Variants in SRFBP1 observed in about 807,000 individuals in gnomAD.
SRFBP1 encodes serum response factor-binding protein 1.
Under a neutral mutation model 45.5 loss-of-function variants are expected in SRFBP1, and 47 were observed. The observed-to-expected ratio is 1.03, with a 90% CI of 0.82 to 1.32. The LOEUF is 1.32. SRFBP1 is among the 40% of genes most tolerant of loss of function. The probability of loss-of-function intolerance (pLI) is 0.00; values close to 1 mark genes in which losing one functional copy is unlikely to be tolerated. For synonymous variants in SRFBP1, 203 were observed against 166.3 expected (o/e 1.22, Z -1.70); for missense variants, 621 against 484.6 (o/e 1.28, Z -2.64).
intron 2 of SRFBP1, among the ~76,000 whole-genome samples, chr5:121,975,062 A>C (rs1323617667): frequency 6.6e-6 from 1 of 151,958 alleles, no homozygotes; most frequent in African/African-American, 2.4e-5. Flanking sequence ...GAGAAGGCAA[A>C]CTATCAAAAG....
intron 2 of SRFBP1, among the ~76,000 whole-genome samples, chr5:122,049,933 A>G (rs529966292): frequency 1.2e-3 from 181 of 152,012 alleles, no homozygotes; most frequent in Middle Eastern, 6.8e-3. Context: ...GGAAAGATCT[A>G]TTGAGGGTTT....
chr5:122,004,997 G>T (rs1436617302), intron 4 of SRFBP1, among the ~76,000 whole-genome samples: 1 of 151,984 alleles, frequency 6.6e-6, no homozygotes, highest in Non-Finnish European at 1.5e-5. Context: ...TAATATCATT[G>T]TGGTCAGAAA....
chr5:122,057,203 C>T (rs1350863157), intron 2 of SRFBP1, among the ~76,000 whole-genome samples: 1 of 152,048 alleles, frequency 6.6e-6, no homozygotes, highest in Non-Finnish European at 1.5e-5. Context: ...TTACACTTGA[C>T]CATAATGGGA....
At chr5:121,972,146 A>C (rs549441065) in intron 1 of SRFBP1, among the ~76,000 whole-genome samples, 2 of 152,090 alleles carry the variant, frequency 1.3e-5, no homozygotes, top group East Asian at 3.9e-4. Flanking sequence ...TGACAATGCT[A>C]TGGTAAAGGG....
chr5:121,975,468 T>G, intron 3 of SRFBP1, 81 bp downstream of exon 3: 3 of 1,463,122 alleles, frequency 2.1e-6, no homozygotes, highest in Non-Finnish European at 2.9e-6. Context: ...GTGGTATTGC[T>G]TATTTGAATA....
chr5:121,991,322 TA>T (rs768231168), intron 3 of SRFBP1, among the ~76,000 whole-genome samples: 425 of 151,460 alleles, frequency 2.8e-3, no homozygotes, highest in Non-Finnish European at 4.1e-3. Flanking sequence ...CCTACAGTGA[TA>T]AAAAAAAAGT....
chr5:122,029,380 G>T (rs540282873), downstream of SRFBP1, among the ~76,000 whole-genome samples: 13 of 152,226 alleles, frequency 8.5e-5, no homozygotes, highest in South Asian at 2.7e-3. Context: ...ACCTGGGCTT[G>T]TGGAAGGCAT....
chr5:122,025,423 C>A (rs532127687), intron 7 of SRFBP1, among the ~76,000 whole-genome samples: 132 of 152,244 alleles, frequency 8.7e-4, no homozygotes, highest in Non-Finnish European at 1.5e-3. Flanking sequence ...AATAAACATA[C>A]GTGTGCATGT....
At chr5:121,999,504 G>A (rs908966642) in intron 4 of SRFBP1, among the ~76,000 whole-genome samples, 2 of 149,890 alleles carry the variant, frequency 1.3e-5, no homozygotes, top group Admixed American at 1.3e-4. Flanking sequence ...TATTTTTACT[G>A]TTTTTTTTTC....
intron 7 of SRFBP1, among the ~76,000 whole-genome samples, chr5:122,024,842 T>C (rs1753443485): frequency 1.3e-5 from 2 of 152,224 alleles, no homozygotes; most frequent in African/African-American, 4.8e-5. Context: ...ATTTACTAGT[T>C]TATTTACATA....
At chr5:121,993,707 C>T (rs1752660417) in intron 3 of SRFBP1, among the ~76,000 whole-genome samples, 1 of 152,030 alleles carries the variant, frequency 6.6e-6, no homozygotes, top group South Asian at 2.1e-4. Context: ...TGTTTTAAGG[C>T]TAATAACCAC....
chr5:122,057,359 C>G (rs1209381460), intron 2 of SRFBP1, among the ~76,000 whole-genome samples: 1 of 151,922 alleles, frequency 6.6e-6, no homozygotes, highest in Non-Finnish European at 1.5e-5. Context: ...GGTTTATTAT[C>G]AAGTTTTCAG....
At chr5:121,969,344 C>T (rs1439264049) in intron 1 of SRFBP1, among the ~76,000 whole-genome samples, 1 of 152,028 alleles carries the variant, frequency 6.6e-6, no homozygotes, top group Non-Finnish European at 1.5e-5. Flanking sequence ...AGCTGTGATG[C>T]ATCTGTTCCC....
chr5:121,966,704 G>C (rs1193010648), intron 1 of SRFBP1, among the ~76,000 whole-genome samples: 1 of 152,202 alleles, frequency 6.6e-6, no homozygotes, highest in Non-Finnish European at 1.5e-5. Context: ...GTAGCAATCT[G>C]ATGGAGTGCT....
At chr5:122,017,261 C>T (rs1310515236) in intron 4 of SRFBP1, among the ~76,000 whole-genome samples, 4 of 152,088 alleles carry the variant, frequency 2.6e-5, no homozygotes, top group Non-Finnish European at 1.5e-5. Context: ...TATTTTCTCA[C>T]AGTTGAGGAG....
chr5:122,068,675 CAAAG>C (rs1246338923), intron 2 of SRFBP1, among the ~76,000 whole-genome samples: 1 of 152,020 alleles, frequency 6.6e-6, no homozygotes, highest in Non-Finnish European at 1.5e-5. Context: ...AGACATTAAA[CAAAG>C]AAATTCATAA....
At chr5:122,050,635 G>A (rs1753957797) in intron 2 of SRFBP1, among the ~76,000 whole-genome samples, 1 of 151,732 alleles carries the variant, frequency 6.6e-6, no homozygotes. Context: ...TGTTTATTTG[G>A]ATCTTTTTTG....
At chr5:121,965,263 C>T (rs868326728) in intron 1 of SRFBP1, among the ~76,000 whole-genome samples, 15 of 152,150 alleles carry the variant, frequency 9.9e-5, no homozygotes, top group South Asian at 4.1e-4. Context: ...TAGTCTTTGT[C>T]CATGCCTCAG....
At chr5:121,992,971 C>G (rs1448511389) in intron 3 of SRFBP1, among the ~76,000 whole-genome samples, 1 of 152,082 alleles carries the variant, frequency 6.6e-6, no homozygotes, top group Non-Finnish European at 1.5e-5. Flanking sequence ...GACCCAGGAG[C>G]CTCGTGTCTT....
Sources: gnomAD v4.1 joint callset for allele counts (sites outside exome capture counted in the v4.1 genomes callset) on GRCh38, gnomAD v4.1.1 for gene constraint, MANE v1.5 for transcripts, NCBI Gene and HGNC (gene_info 2026-07-23, HGNC 2026-07-21) for gene names.